The following GSN variants were observed in gnomAD, a reference collection of about 807,000 sequenced individuals.
GSN encodes actin-depolymerizing factor.
In GSN, 56 loss-of-function variants were observed where a neutral mutation model predicts 85.7. The ratio of observed to expected loss-of-function variants is 0.65; its 90% CI spans 0.53 to 0.82. GSN has a LOEUF of 0.82. Among genes scored for constraint, GSN ranks in the 40% least tolerant of loss-of-function variants. The probability of loss-of-function intolerance (pLI) is 0.00; values close to 1 mark genes in which losing one functional copy is unlikely to be tolerated. For synonymous variants in GSN, 373 were observed against 399.1 expected, an observed-to-expected ratio of 0.93 and a Z score of 0.78; for missense variants, 857 against 979.8, an observed-to-expected ratio of 0.87 and a Z score of 1.67.
upstream of GSN, among the ~76,000 whole-genome samples, chr9:121,207,315 G>A (rs1006826306): frequency 6.6e-6 from 1 of 152,202 alleles, no homozygotes; most frequent in Non-Finnish European, 1.5e-5. Context: ...ATGAGCATCA[G>A]CATATGTGCA....
intron 2 of GSN, among the ~76,000 whole-genome samples, chr9:121,293,091 T>C (rs1238302010): frequency 6.6e-6 from 1 of 152,218 alleles, no homozygotes; most frequent in African/African-American, 2.4e-5. Context: ...AGGAGGGATG[T>C]GGCACCATCA....
At position 121,321,354 on chromosome 9, in the gene GSN, G is replaced by A. The variant is rs1216861559; in HGVS notation, c.1278G>A (p.Leu426=). 1 of 1,614,044 alleles carries A rather than the reference G, an allele frequency of 6.2e-7. No individual in the cohort carries two copies. Among genetic ancestry groups the A allele is most frequent in the South Asian group, 1.1e-5 (1 of 91,084 alleles). Residue 426 remains leucine (L), a synonymous_variant, in exon 11 of 18, where the codon CTG becomes CTA. Coordinates refer to ENST00000432226, the MANE Select transcript of GSN (RefSeq NM_198252.3). Reference sequence around the variant, plus strand: ...ATGGAGGCGACAGCTACATCATTCTGTACAACTACCGCCATGGTGGCCGCC... The same window carrying A: ...ATGGAGGCGACAGCTACATCATTCTATACAACTACCGCCATGGTGGCCGCC... ...QFYGGDSYII[L]YNYRHGGRQG...
intron 4 of GSN, among the ~76,000 whole-genome samples, chr9:121,306,603 C>A (rs2060448832): frequency 6.6e-6 from 1 of 152,184 alleles, no homozygotes; most frequent in Non-Finnish European, 1.5e-5. Context: ...GCTTTTAAAA[C>A]AATTTATCCT....
At chr9:121,202,651 C>T in the GSN span, among the ~76,000 whole-genome samples, 3 of 152,226 alleles carry the variant, frequency 2.0e-5, no homozygotes, top group African/African-American at 7.2e-5. Context: ...GGACCCTGAG[C>T]ACTTTTGCCT....
intron 4 of GSN, among the ~76,000 whole-genome samples, chr9:121,226,050 C>T (rs2054267474): frequency 6.6e-6 from 1 of 152,202 alleles, no homozygotes; most frequent in Non-Finnish European, 1.5e-5. Flanking sequence ...TGATTCCCCC[C>T]ACCTCGGTCT....
At chr9:121,241,820 C>G (rs1328048875) in intron 5 of GSN, among the ~76,000 whole-genome samples, 1 of 152,218 alleles carries the variant, frequency 6.6e-6, no homozygotes, top group African/African-American at 2.4e-5. Context: ...CTGTTTGCTG[C>G]TCAGTAAGTG....
At chr9:121,241,191 T>C (rs964538211) in intron 5 of GSN, among the ~76,000 whole-genome samples, 1 of 152,190 alleles carries the variant, frequency 6.6e-6, no homozygotes, top group African/African-American at 2.4e-5. Context: ...GCAAAGGGCA[T>C]CTATTAAGAG....
At chr9:121,214,062 T>C (rs1251554957) in intron 4 of GSN, among the ~76,000 whole-genome samples, 2 of 152,176 alleles carry the variant, frequency 1.3e-5, no homozygotes, top group African/African-American at 4.8e-5. Flanking sequence ...ATGGGGATCA[T>C]AAAAGCACCT....
chr9:121,248,998 T>C (rs987286365), intron 6 of GSN, among the ~76,000 whole-genome samples: 1 of 152,074 alleles, frequency 6.6e-6, no homozygotes, highest in Non-Finnish European at 1.5e-5. Context: ...CGAGATGAGA[T>C]TGGGGGCACT....
chr9:121,311,357 A>T (rs2061119204), intron 5 of GSN: 1 of 178,020 alleles, frequency 5.6e-6, no homozygotes, highest in Admixed American at 5.4e-5. Flanking sequence ...AAATCCCTGG[A>T]GCGCAGACCT....
chr9:121,209,205 A>G (rs909829112), intron 1 of GSN: 2 of 152,286 alleles, frequency 1.3e-5, no homozygotes, highest in African/African-American at 2.4e-5. Context: ...TGAAGGGAGC[A>G]GGGCTGAGGA....
chr9:121,299,867 T>TCCGCA lies in GSN; in HGVS notation c.-9-2091_-9-2087dup. 7.5e-7 allele frequency: 1 copy of TCCGCA among 1,341,824 alleles called. No individual in the cohort carries two copies. The highest frequency in any genetic ancestry group is 9.6e-7 in the Non-Finnish European group (1 of 1,037,994). 83.1% of individuals were successfully genotyped at this position (1,341,824 alleles called of 1,614,324 possible). Reference sequence around the variant, plus strand: ...CCCCTGCCGCTGTCGCCACCATGGCTCCGCACCGCCCCGCGCCCGCGCTGC... The same window carrying TCCGCA: ...CCCCTGCCGCTGTCGCCACCATGGCTCCGCACCGCACCGCCCCGCGCCCGCGCTGC... On this transcript the variant is annotated intron_variant, in intron 2 of 17. Coordinates refer to ENST00000432226, the MANE Select transcript of GSN (RefSeq NM_198252.3). The surrounding 1 kb of genome is among the most constrained non-coding windows in gnomAD (Gnocchi z 4.2).
Position 121,329,284 on chromosome 9 carries a change from A to G in GSN, c.1934A>G (p.Asp645Gly), listed in dbSNP as rs1406476188. Reference protein sequence around the residue: ...GELMQEDLATDDVMLLDTWDQ... With the variant: ...GELMQEDLATGDVMLLDTWDQ... The stretch of plus-strand genomic sequence containing the variant: ...CTCATGCAGGAAGACCTGGCAACGG[A>G]TGACGTCATGCTTCTGGACACCTGG... Residue 645 changes from aspartate to glycine, a missense_variant, in exon 16 of 18, where the codon GAT becomes GGT. Asp to Gly is a moderately conservative substitution (Grantham distance 94). Transcript: ENST00000432226. The surrounding 1 kb of genome is among the most constrained non-coding windows in gnomAD (Gnocchi z 4.6). The G allele has an allele frequency of 1.9e-6, 3 of 1,611,570 alleles. No homozygotes were observed. The highest frequency in any genetic ancestry group is 2.5e-6 in the Non-Finnish European group (3 of 1,177,732).
chr9:121,239,674 CA>C, intron 5 of GSN: 1 of 303,522 alleles, frequency 3.3e-6, no homozygotes, highest in South Asian at 3.5e-5. Flanking sequence ...CGCATGATAT[CA>C]AAGAAATCTT....
At chr9:121,217,855 G>T (rs1265633896) in intron 4 of GSN, among the ~76,000 whole-genome samples, 1 of 148,844 alleles carries the variant, frequency 6.7e-6, no homozygotes, top group African/African-American at 2.5e-5. Context: ...AACAAAACAA[G>T]CCCTCCTTTC....
At chr9:121,282,718 G>C (rs961323458) in intron 2 of GSN, 1 of 412,918 alleles carries the variant, frequency 2.4e-6, no homozygotes, top group Non-Finnish European at 4.4e-6. Context: ...CTTGAGGGCC[G>C]GGTCTTGGCT....
chr9:121,300,451 T>G (rs1430470959), intron 2 of GSN, among the ~76,000 whole-genome samples: 3 of 152,112 alleles, frequency 2.0e-5, no homozygotes, highest in Non-Finnish European at 4.4e-5. Context: ...TTATTATCAT[T>G]TCTTCTCTCC....
At position 121,329,551 on chromosome 9, in the gene GSN, C is replaced by A. The variant is rs1175949088; in HGVS notation, c.1965+236C>A. On this transcript the variant is annotated intron_variant, in intron 16 of 17. Coordinates refer to ENST00000432226, the MANE Select transcript of GSN (RefSeq NM_198252.3). This position sits in a 1 kb window ranked among gnomAD's most constrained non-coding sequence, Gnocchi z 4.6. ...CACTCACCTTGAAAGCTGCAAAACG[C>A]CCTATAAAGGCAAATCACATGACCT... 6.6e-6 allele frequency among the ~76,000 whole-genome samples: 1 copy of A among 152,196 alleles called. No individual in the cohort carries two copies. Among genetic ancestry groups the A allele is most frequent in the African/African-American group, 2.4e-5 (1 of 41,452 alleles).
In GSN at chr9:121,317,422, C is replaced by T; in HGVS notation, c.886+204C>T. 6.7e-6 allele frequency: 4 copies of T among 600,006 alleles called. No homozygotes were observed. The South Asian group carries it at 7.4e-5, about 11-fold the overall frequency. The allele number at this position is 600,006 out of a possible 1,614,324, so 37.2% of individuals were successfully genotyped here. A position where few individuals can be genotyped will look rare whatever the true frequency, so the allele number is the denominator to read the frequency against. ...ACTTACCCTTTCTGGGCCTCAGATT[C>T]CTGATCTGGGCTAAAATGGGTGTTT... is the stretch of plus-strand genomic sequence containing the variant. On this transcript the variant is annotated intron_variant, in intron 8 of 17. Transcript: ENST00000432226.
Sources: allele counts gnomAD v4.1 joint callset (sites outside exome capture counted in the v4.1 genomes callset), GRCh38; gene constraint gnomAD v4.1.1; non-coding constraint Gnocchi (gnomAD v3.1); transcripts MANE v1.5; gene names NCBI Gene and HGNC (gene_info 2026-07-23, HGNC 2026-07-21).